The following ZCWPW2 variants were observed in gnomAD, a reference collection of about 807,000 sequenced individuals.
ZCWPW2 encodes zinc finger CW-type and PWWP domain containing 2.
ZCWPW2 carries 45 observed loss-of-function variants against 46.6 expected under a neutral mutation model. That is an observed-to-expected ratio of 0.96 (90% CI 0.76 to 1.24). The LOEUF (loss-of-function observed/expected upper bound fraction) is 1.24. Among genes scored for constraint, ZCWPW2 ranks in the 50% most tolerant of loss-of-function variants. The probability of loss-of-function intolerance (pLI) is 0.00; values close to 1 mark genes in which losing one functional copy is unlikely to be tolerated. For missense variants in ZCWPW2, 429 were observed against 403.9 expected (o/e 1.06, Z -0.53); for synonymous variants, 152 against 137.1 (o/e 1.11, Z -0.76).
intron 6 of ZCWPW2, chr3:28,511,031 C>T (rs1294467213): frequency 4.4e-6 from 2 of 455,578 alleles, no homozygotes; most frequent in Admixed American, 4.7e-5. Context: ...AGATGAGAGT[C>T]AACGCTAAGA....
At chr3:28,485,638 G>T (rs902388495) in intron 5 of ZCWPW2, among the ~76,000 whole-genome samples, 5 of 152,058 alleles carry the variant, frequency 3.3e-5, no homozygotes, top group Admixed American at 3.3e-4. Context: ...TATTATGTAT[G>T]ACCCTCTTTA....
chr3:28,413,064 C>G lies in ZCWPW2; in HGVS notation c.-5C>G, dbSNP rs763335936. 1 of 1,601,588 alleles carries G rather than the reference C, an allele frequency of 6.2e-7. No homozygotes were observed. Among genetic ancestry groups the G allele is most frequent in the Non-Finnish European group, 8.5e-7 (1 of 1,173,400 alleles). On this transcript the variant is annotated 5_prime_UTR_variant, in exon 3 of 10. Coordinates refer to ENST00000383768, the MANE Select transcript of ZCWPW2 (RefSeq NM_001040432.4). ...TCTTTCTTATTTTCCAGATTAAATG[C>G]CTTAATGGATAAAGAAAAATTGGAT...
chr3:28,399,963 G>A (rs912857073), intron 2 of ZCWPW2, among the ~76,000 whole-genome samples: 1 of 152,064 alleles, frequency 6.6e-6, no homozygotes, highest in Non-Finnish European at 1.5e-5. Context: ...AATACAGGAG[G>A]TTAGTTATTA....
intron 4 of ZCWPW2, among the ~76,000 whole-genome samples, chr3:28,459,157 T>A (rs2125786562): frequency 6.6e-6 from 1 of 152,094 alleles, no homozygotes; most frequent in African/African-American, 2.4e-5. Context: ...GATCATGAGG[T>A]CAGGAGATTG....
intron 9 of ZCWPW2, among the ~76,000 whole-genome samples, chr3:28,524,172 A>G (rs1278810031): frequency 6.6e-6 from 1 of 152,000 alleles, no homozygotes; most frequent in Non-Finnish European, 1.5e-5. Flanking sequence ...AGATGACCAC[A>G]GAAAATGTGA....
intron 7 of ZCWPW2, 128 bp downstream of exon 7, chr3:28,514,250 C>G: frequency 1.8e-6 from 1 of 557,464 alleles, no homozygotes; most frequent in Non-Finnish European, 2.7e-6. Flanking sequence ...ATAGTCAGGG[C>G]AATTGCATGG....
intron 3 of ZCWPW2, among the ~76,000 whole-genome samples, chr3:28,423,187 G>A (rs187822115): frequency 4.5e-4 from 68 of 151,996 alleles, no homozygotes; most frequent in African/African-American, 1.6e-3. Context: ...ACTTTGCAGA[G>A]CAGGTATTTT....
At chr3:28,363,137 G>A (rs1180226431) in intron 1 of ZCWPW2, among the ~76,000 whole-genome samples, 1 of 152,042 alleles carries the variant, frequency 6.6e-6, no homozygotes, top group Non-Finnish European at 1.5e-5. Context: ...CCCGGCTGAG[G>A]AAATAATCTG....
chr3:28,434,323 C>G (rs1697394540), intron 3 of ZCWPW2, among the ~76,000 whole-genome samples: 1 of 151,900 alleles, frequency 6.6e-6, no homozygotes. Flanking sequence ...ATGACAGGAG[C>G]TCTCTGCTGC....
Position 28,492,193 on chromosome 3 carries a change from T to A in ZCWPW2, c.657+20T>A. 6.3e-7 allele frequency: 1 copy of A among 1,583,340 alleles called. No individual in the cohort carries two copies. The highest frequency in any genetic ancestry group is 1.4e-5 in the African/African-American group (1 of 73,820). On this transcript the variant is annotated intron_variant, in intron 6 of 9. Coordinates refer to ENST00000383768, the MANE Select transcript of ZCWPW2 (RefSeq NM_001040432.4). Reference sequence around the variant, plus strand: ...AAAAGGGTAAGATTGTGTTTTATTATATAAAATATACAAACTTCAAATTTC... The same window carrying A: ...AAAAGGGTAAGATTGTGTTTTATTAAATAAAATATACAAACTTCAAATTTC...
At chr3:28,390,688 T>G in intron 2 of ZCWPW2, 71 bp downstream of exon 2, 19 of 951,914 alleles carry the variant, frequency 2.0e-5, no homozygotes, top group South Asian at 4.8e-5. Flanking sequence ...CACTGTTCTC[T>G]ATTGCATATA....
intron 4 of ZCWPW2, chr3:28,447,957 T>C: frequency 1.5e-6 from 1 of 684,864 alleles, no homozygotes; most frequent in East Asian, 3.1e-5. Context: ...GCAGGCCCTA[T>C]GGTGTTTCCA....
intron 3 of ZCWPW2, among the ~76,000 whole-genome samples, chr3:28,431,473 G>A (rs537616339): frequency 3.2e-4 from 48 of 151,990 alleles, no homozygotes; most frequent in Admixed American, 1.8e-3. Context: ...TCTTCCTTCT[G>A]TGCATGTCTG....
At chr3:28,403,698 C>T (rs1696039653) in intron 2 of ZCWPW2, among the ~76,000 whole-genome samples, 1 of 152,060 alleles carries the variant, frequency 6.6e-6, no homozygotes, top group Admixed American at 6.6e-5. Flanking sequence ...AAAATAGCCA[C>T]ACAGACCAAT....
chr3:28,449,113 G>A (rs1033689175), intron 4 of ZCWPW2, among the ~76,000 whole-genome samples: 1 of 152,072 alleles, frequency 6.6e-6, no homozygotes, highest in Admixed American at 6.6e-5. Flanking sequence ...TCTTGACAGT[G>A]GGGCAAAGAC....
rs747420799 is a variant in ZCWPW2 at position 28,351,899 on chromosome 3, C to T, written c.-134+2696C>T. Among the ~76,000 whole-genome samples, 5 of 152,054 alleles carry T rather than the reference C, an allele frequency of 3.3e-5. No homozygotes were observed. In the South Asian group the frequency reaches 1.0e-3, roughly 32 times the overall value. On this transcript the variant is annotated intron_variant, in intron 1 of 9. Transcript: ENST00000383768. ...CAGTGTCATTCCATCGGTGTTGTTT[C>T]AGAAACTTCTTCCTCTGTTTTCCTG... is the stretch of plus-strand genomic sequence containing the variant.
chr3:28,463,769 G>A (rs906251439), intron 4 of ZCWPW2, among the ~76,000 whole-genome samples: 7 of 151,888 alleles, frequency 4.6e-5, no homozygotes, highest in Admixed American at 1.3e-4. Flanking sequence ...TGAGCTCAGG[G>A]GTTCAAGGGT....
intron 1 of ZCWPW2, among the ~76,000 whole-genome samples, chr3:28,364,483 G>T (rs1182767519): frequency 6.6e-6 from 1 of 151,938 alleles, no homozygotes; most frequent in Non-Finnish European, 1.5e-5. Flanking sequence ...ACCCAGTAGT[G>T]GGATTGCTGG....
At chr3:28,492,372 C>T (rs923835313) in intron 6 of ZCWPW2, among the ~76,000 whole-genome samples, 199 bp downstream of exon 6, 11 of 151,860 alleles carry the variant, frequency 7.2e-5, no homozygotes, top group African/African-American at 4.8e-5. Context: ...TTAATGTTAT[C>T]GGACTGTCAG....
Sources: allele counts gnomAD v4.1 joint callset (sites outside exome capture counted in the v4.1 genomes callset), GRCh38; gene constraint gnomAD v4.1.1; transcripts MANE v1.5; gene names NCBI Gene and HGNC (gene_info 2026-07-23, HGNC 2026-07-21).